HYDIN: variants seen among roughly 807,000 people sequenced by gnomAD.
HYDIN encodes HYDIN axonemal central pair apparatus protein, also known as axonemal central pair apparatus protein HYDIN.
In HYDIN, 132 loss-of-function variants were observed where a neutral mutation model predicts 403.9. That is an observed-to-expected ratio of 0.33 (90% CI 0.28 to 0.38). The LOEUF (loss-of-function observed/expected upper bound fraction) is 0.38, where lower values mean the gene tolerates loss of function less well. Among genes scored for constraint, HYDIN ranks in the 10% least tolerant of loss-of-function variants. The probability of loss-of-function intolerance (pLI) is 1.00; values close to 1 mark genes in which losing one functional copy is unlikely to be tolerated. For missense variants in HYDIN, 2,827 were observed against 5,009.5 expected, an observed-to-expected ratio of 0.56 and a Z score of 13.15; for synonymous variants, 1,202 against 1,891.7, an observed-to-expected ratio of 0.64 and a Z score of 9.46.
intron 46 of HYDIN, 113 bp downstream of exon 46, chr16:70,920,478 T>C: frequency 1.5e-6 from 1 of 673,194 alleles, no homozygotes; most frequent in South Asian, 2.0e-5. Context: ...GCATTAGAGA[T>C]GCATGCAGTT....
intron 1 of HYDIN, among the ~76,000 whole-genome samples, chr16:71,202,394 A>G (rs957314242): frequency 8.5e-5 from 13 of 152,220 alleles, no homozygotes; most frequent in Admixed American, 4.6e-4. Flanking sequence ...TTGATAACTA[A>G]AATTCCTTAC....
intron 41 of HYDIN, among the ~76,000 whole-genome samples, chr16:70,951,609 C>T (rs1301801512): frequency 7.2e-5 from 11 of 152,244 alleles, no homozygotes; most frequent in Non-Finnish European, 1.2e-4. Context: ...CGGTTCTCTT[C>T]TCCTTTAATT....
intron 41 of HYDIN, among the ~76,000 whole-genome samples, chr16:70,947,219 T>C (rs1212400671): frequency 6.6e-6 from 1 of 150,902 alleles, no homozygotes; most frequent in Non-Finnish European, 1.5e-5. Flanking sequence ...GTCCCATCAA[T>C]ACCTAATTTA....
At chr16:71,228,416 A>T (rs1237740481) in intron 1 of HYDIN, among the ~76,000 whole-genome samples, 6 of 152,254 alleles carry the variant, frequency 3.9e-5, no homozygotes, top group Admixed American at 6.5e-5. Flanking sequence ...TACTCATCTC[A>T]CAAAGGGCTA....
Position 70,809,951 on chromosome 16 carries a change from T to TA in HYDIN, c.14714dup (p.Thr4906AsnfsTer6). The TA allele has an allele frequency of 6.2e-7, 1 of 1,614,130 alleles. No homozygotes were observed. The highest frequency in any genetic ancestry group is 1.3e-5 in the African/African-American group (1 of 75,026). ...AACCCAAGTCAGTGTTGTGCAAAGT[T>TA]AGTCTTCCGAAGGTTTCTCCAGCTT... On this transcript the variant is annotated frameshift_variant, in exon 85 of 86. Transcript: ENST00000393567. LOFTEE classifies it high-confidence loss of function.
intron 8 of HYDIN, among the ~76,000 whole-genome samples, chr16:71,130,484 T>TG (rs2084664003): frequency 7.2e-6 from 1 of 138,988 alleles, no homozygotes; most frequent in Non-Finnish European, 1.6e-5. Context: ...TTTTTTTTTT[T>TG]TTTTTTTTTT....
At chr16:71,133,847 A>G (rs1411812114) in intron 8 of HYDIN, among the ~76,000 whole-genome samples, 1 of 151,658 alleles carries the variant, frequency 6.6e-6, no homozygotes, top group Non-Finnish European at 1.5e-5. Flanking sequence ...GTCTCAGGAA[A>G]ACATCAAAAG....
At chr16:71,082,575 T>C (rs1476012658) in intron 12 of HYDIN, among the ~76,000 whole-genome samples, 2 of 151,576 alleles carry the variant, frequency 1.3e-5, no homozygotes, top group African/African-American at 2.4e-5. Context: ...GTCCAGAAGA[T>C]AGAACAAGAG....
At chr16:71,047,007 A>C (rs934583042) in intron 18 of HYDIN, among the ~76,000 whole-genome samples, 3 of 152,152 alleles carry the variant, frequency 2.0e-5, no homozygotes, top group African/African-American at 7.2e-5. Flanking sequence ...AAAACCCACA[A>C]CAGATCCATA....
At chr16:70,855,619 C>T (rs2038973081) in intron 72 of HYDIN, among the ~76,000 whole-genome samples, 1 of 152,178 alleles carries the variant, frequency 6.6e-6, no homozygotes, top group African/African-American at 2.4e-5. Context: ...TTGGTTGACC[C>T]CCTTAACTGC....
chr16:71,022,986 G>A (rs1271918231), intron 21 of HYDIN, among the ~76,000 whole-genome samples: 1 of 151,486 alleles, frequency 6.6e-6, no homozygotes, highest in Non-Finnish European at 1.5e-5. Context: ...AATCTAATAA[G>A]AAACTAGGCT....
intron 5 of HYDIN, among the ~76,000 whole-genome samples, chr16:71,165,750 C>T (rs1395236872): frequency 2.6e-5 from 4 of 151,494 alleles, no homozygotes; most frequent in Non-Finnish European, 5.9e-5. Context: ...GGGAGGGGGG[C>T]GGTCAGGAAA....
rs114949626 is a variant in HYDIN, at chr16:70,921,869, T to C, written c.7159-652A>G. Reference sequence around the variant, plus strand: ...TAAAATATGTATTTATTTAATGCTCTGAGCATAGAGAAACCAACTTTATTC... The same window carrying C: ...TAAAATATGTATTTATTTAATGCTCCGAGCATAGAGAAACCAACTTTATTC... On this transcript the variant is annotated intron_variant, in intron 45 of 85. Coordinates refer to ENST00000393567, the MANE Select transcript of HYDIN (RefSeq NM_001270974.2). 4.9e-3 allele frequency among the ~76,000 whole-genome samples: 747 copies of C among 152,382 alleles called. 6 individuals are homozygous for C. Among genetic ancestry groups the C allele is most frequent in the African/African-American group, 0.017 (720 of 41,584 alleles).
At chr16:71,191,764 A>T (rs1200899127) in intron 1 of HYDIN, among the ~76,000 whole-genome samples, 2 of 152,102 alleles carry the variant, frequency 1.3e-5, no homozygotes, top group Non-Finnish European at 1.5e-5. Flanking sequence ...CCACCGACCC[A>T]GCTGCCTACA....
chr16:70,871,685 C>G (rs1597179356), intron 65 of HYDIN, among the ~76,000 whole-genome samples: 1 of 147,866 alleles, frequency 6.8e-6, no homozygotes, highest in Non-Finnish European at 1.5e-5. Context: ...TTTGGTGAAG[C>G]ATTTTGAAGG....
intron 1 of HYDIN, among the ~76,000 whole-genome samples, chr16:71,227,534 A>G (rs1325681951): frequency 1.3e-5 from 2 of 152,160 alleles, no homozygotes; most frequent in Admixed American, 6.5e-5. Flanking sequence ...ACAAACAGAG[A>G]GCCAAATCAT....
intron 18 of HYDIN, among the ~76,000 whole-genome samples, chr16:71,036,794 C>T (rs111809334): frequency 6.6e-6 from 1 of 152,086 alleles, no homozygotes; most frequent in Admixed American, 6.5e-5. Flanking sequence ...TTACCTTACA[C>T]GAGTCAGCCT....
At chr16:71,151,956 T>A (rs995270567) in intron 7 of HYDIN, among the ~76,000 whole-genome samples, 1 of 152,254 alleles carries the variant, frequency 6.6e-6, no homozygotes, top group Admixed American at 6.5e-5. Flanking sequence ...AGGATTAAAG[T>A]AACTGGATCT....
intron 38 of HYDIN, among the ~76,000 whole-genome samples, chr16:70,960,986 C>T (rs1209905939): frequency 1.1e-4 from 16 of 152,248 alleles, no homozygotes; most frequent in African/African-American, 3.4e-4. Flanking sequence ...CCACCTTGCC[C>T]GGCCTAGCTC....
Sources: gnomAD v4.1 joint callset for allele counts (sites outside exome capture counted in the v4.1 genomes callset) on GRCh38, gnomAD v4.1.1 for gene constraint, MANE v1.5 for transcripts, NCBI Gene and HGNC (gene_info 2026-07-23, HGNC 2026-07-21) for gene names.